RPS6KA2: variants seen among roughly 807,000 people sequenced by gnomAD.
RPS6KA2 encodes the protein ribosomal protein S6 kinase alpha-2.
RPS6KA2 carries 42 observed loss-of-function variants against 91.8 expected under a neutral mutation model. The ratio of observed to expected loss-of-function variants is 0.46; its 90% CI spans 0.36 to 0.59. The LOEUF (loss-of-function observed/expected upper bound fraction) is 0.59. Among genes scored for constraint, RPS6KA2 ranks in the 20% least tolerant of loss-of-function variants. The probability of loss-of-function intolerance (pLI) is 0.00; values close to 1 mark genes in which losing one functional copy is unlikely to be tolerated. For synonymous variants in RPS6KA2, 414 were observed against 393.6 expected (o/e 1.05, Z -0.61); for missense variants, 798 against 978.5 (o/e 0.82, Z 2.46).
At chr6:166,451,843 A>T (rs539913057) in intron 12 of RPS6KA2, among the ~76,000 whole-genome samples, 68 of 152,252 alleles carry the variant, frequency 4.5e-4, no homozygotes, top group Non-Finnish European at 8.1e-4. Context: ...TCTGTGTTCA[A>T]AAGCATGACT....
At chr6:166,503,213 C>T (rs551705467) in intron 6 of RPS6KA2, among the ~76,000 whole-genome samples, 2 of 152,338 alleles carry the variant, frequency 1.3e-5, no homozygotes, top group East Asian at 1.9e-4. Flanking sequence ...GATGCTCCAG[C>T]TGTATTTACA....
At chr6:166,812,501 G>A (rs943410150) in intron 2 of RPS6KA2, among the ~76,000 whole-genome samples, 1 of 152,142 alleles carries the variant, frequency 6.6e-6, no homozygotes, top group Non-Finnish European at 1.5e-5. Context: ...GCTGAGTGTG[G>A]GGAGATGTCC....
At chr6:166,668,177 C>G (rs1307231607) in intron 2 of RPS6KA2, among the ~76,000 whole-genome samples, 2 of 152,134 alleles carry the variant, frequency 1.3e-5, no homozygotes, top group African/African-American at 4.8e-5. Flanking sequence ...GGTTTGGTTT[C>G]CCTGAGCATT....
At chr6:166,550,267 T>G (rs939615878) in intron 1 of RPS6KA2, among the ~76,000 whole-genome samples, 1 of 152,230 alleles carries the variant, frequency 6.6e-6, no homozygotes. Flanking sequence ...CTCTGTTTAC[T>G]CACTGCTATC....
At chr6:166,517,912 G>A (rs1277312931) in intron 3 of RPS6KA2, among the ~76,000 whole-genome samples, 1 of 152,142 alleles carries the variant, frequency 6.6e-6, no homozygotes, top group African/African-American at 2.4e-5. Context: ...AATACTTTTA[G>A]TAAATCTTAT....
chr6:166,712,120 G>C (rs1270796387), intron 2 of RPS6KA2, among the ~76,000 whole-genome samples: 1 of 152,236 alleles, frequency 6.6e-6, no homozygotes, highest in African/African-American at 2.4e-5. Flanking sequence ...GGAGTGGCTG[G>C]ACCTAGGTAA....
intron 11 of RPS6KA2, among the ~76,000 whole-genome samples, chr6:166,460,094 G>A (rs2128460021): frequency 6.6e-6 from 1 of 152,362 alleles, no homozygotes; most frequent in South Asian, 2.1e-4. Context: ...GTGCTCTGGG[G>A]CCTTGGCACC....
At position 166,418,962 on chromosome 6, in the gene RPS6KA2, G is replaced by C. The variant is rs559071088; in HGVS notation, c.1821-620C>G. Among the ~76,000 whole-genome samples, 13 of 152,360 alleles carry C rather than the reference G, an allele frequency of 8.5e-5. No homozygotes were observed. Among genetic ancestry groups the C allele is most frequent in the African/African-American group, 3.1e-4 (13 of 41,588 alleles). Reference sequence around the variant, plus strand: ...TGATCTAGTTTTCCGTATAGGCAAAGTGAGTATTAGAAGCGTCACAAAGTA... The same window carrying C: ...TGATCTAGTTTTCCGTATAGGCAAACTGAGTATTAGAAGCGTCACAAAGTA... On this transcript the variant is annotated intron_variant, in intron 18 of 20. Coordinates refer to ENST00000265678, the MANE Select transcript of RPS6KA2 (RefSeq NM_021135.6). The surrounding 1 kb of genome is among the most constrained non-coding windows in gnomAD (Gnocchi z 4.9).
chr6:166,561,560 T>TG, intron 1 of RPS6KA2, among the ~76,000 whole-genome samples: 1 of 151,748 alleles, frequency 6.6e-6, no homozygotes. Context: ...CTTGACTCTG[T>TG]GGGGGGAGTC....
chr6:166,573,369 G>A (rs1418759430), intron 1 of RPS6KA2, among the ~76,000 whole-genome samples: 1 of 152,238 alleles, frequency 6.6e-6, no homozygotes, highest in Admixed American at 6.5e-5. Flanking sequence ...CACCTAGGTT[G>A]AAGAGGATGG....
chr6:166,827,350 G>A (rs182319983), intron 2 of RPS6KA2, among the ~76,000 whole-genome samples: 84 of 150,084 alleles, frequency 5.6e-4, no homozygotes, highest in African/African-American at 2.0e-3. Context: ...GGAACAAAAC[G>A]TGATGTGTAT....
chr6:166,765,351 G>A (rs1055736375), intron 2 of RPS6KA2, among the ~76,000 whole-genome samples: 4 of 152,158 alleles, frequency 2.6e-5, no homozygotes, highest in South Asian at 2.1e-4. Context: ...GCGTGGTGAC[G>A]ACCCACGGCC....
chr6:166,410,084 G>T lies in RPS6KA2; in HGVS notation c.*2678C>A. On this transcript the variant is annotated 3_prime_UTR_variant, in exon 21 of 21. Transcript: ENST00000265678. ...CTGCCAGGGAAGGAGGACCCTATAG[G>T]GTGGCCAGCAAGGGGCCACTGGCGG... 1 of 152,116 alleles carries T rather than the reference G, an allele frequency of 6.6e-6. No homozygotes were observed. The allele number at this position is 152,116 out of a possible 1,614,324, so 9.4% of individuals were successfully genotyped here.
chr6:166,710,060 A>G (rs1583039451), intron 2 of RPS6KA2, among the ~76,000 whole-genome samples: 1 of 152,252 alleles, frequency 6.6e-6, no homozygotes, highest in East Asian at 1.9e-4. Context: ...GATGCAACTT[A>G]GGTTTAATCC....
intron 1 of RPS6KA2, among the ~76,000 whole-genome samples, chr6:166,594,556 G>A (rs561338431): frequency 7.2e-5 from 11 of 152,012 alleles, no homozygotes; most frequent in East Asian, 3.9e-4. Flanking sequence ...TCTGCCTCCC[G>A]GGTTCACGCC....
chr6:166,766,007 C>T (rs775676070), intron 2 of RPS6KA2, among the ~76,000 whole-genome samples: 9 of 152,172 alleles, frequency 5.9e-5, no homozygotes, highest in African/African-American at 1.4e-4. Context: ...GCTGTGATTA[C>T]GATATGAGAA....
rs1387475322 is a variant in RPS6KA2, at chr6:166,521,315, G to A, written c.298+9917C>T. Among the ~76,000 whole-genome samples the A allele has an allele frequency of 2.0e-5, 3 of 152,364 alleles. No homozygotes were observed. The East Asian group carries it at 5.8e-4, about 29-fold the overall frequency. ...CCAAAGCTGTGGGGCCAGGGACTTGGAGAGCCAACCCCTGCCCTGCAAAGC... is the reference window on the plus strand; with the variant it reads ...CCAAAGCTGTGGGGCCAGGGACTTGAAGAGCCAACCCCTGCCCTGCAAAGC... On this transcript the variant is annotated intron_variant, in intron 3 of 20. Coordinates refer to ENST00000265678, the MANE Select transcript of RPS6KA2 (RefSeq NM_021135.6).
At chr6:166,424,382 C>G (rs1165103578) in intron 16 of RPS6KA2, among the ~76,000 whole-genome samples, 2 of 152,162 alleles carry the variant, frequency 1.3e-5, no homozygotes, top group East Asian at 1.9e-4. Context: ...AGTGTGTGGT[C>G]CTGGAAGAAT....
chr6:166,628,124 G>A (rs1197236424), upstream of RPS6KA2, among the ~76,000 whole-genome samples: 2 of 152,272 alleles, frequency 1.3e-5, no homozygotes, highest in African/African-American at 4.8e-5. Context: ...GAATACCCGG[G>A]CGGGGTGACC....
Sources: allele counts gnomAD v4.1 joint callset (sites outside exome capture counted in the v4.1 genomes callset), GRCh38; gene constraint gnomAD v4.1.1; non-coding constraint Gnocchi (gnomAD v3.1); transcripts MANE v1.5; gene names NCBI Gene and HGNC (gene_info 2026-07-23, HGNC 2026-07-21).